Variants in TMEM62 observed in about 807,000 individuals in gnomAD.
TMEM62 encodes transmembrane protein 62.
In TMEM62, 41 loss-of-function variants were observed where a neutral mutation model predicts 70.4. The observed-to-expected ratio is 0.58, with a 90% CI of 0.45 to 0.76. The LOEUF is 0.76. Among genes scored for constraint, TMEM62 ranks in the 30% least tolerant of loss-of-function variants. The probability of loss-of-function intolerance (pLI) is 0.00; values close to 1 mark genes in which losing one functional copy is unlikely to be tolerated. For synonymous variants in TMEM62, 268 were observed against 291.0 expected, an observed-to-expected ratio of 0.92 and a Z score of 0.80; for missense variants, 688 against 788.5, an observed-to-expected ratio of 0.87 and a Z score of 1.53.
chr15:43,145,103 C>CAA lies in TMEM62; in HGVS notation c.477-1375_477-1374dup, dbSNP rs200747419. The stretch of plus-strand genomic sequence containing the variant: ...TGGGCGACAGAGTGAGACTCCGTCT[C>CAA]AAAAAAAAAAAAAAAAGATTCTGAG... On this transcript the variant is annotated intron_variant, in intron 4 of 13. Coordinates refer to ENST00000260403, the MANE Select transcript of TMEM62 (RefSeq NM_024956.4). Among the ~76,000 whole-genome samples the CAA allele has an allele frequency of 7.0e-3, 764 of 108,832 alleles. 19 individuals carry two copies. The highest frequency in any genetic ancestry group is 0.022 in the African/African-American group (600 of 27,806). The allele number at this position is 108,832 out of a possible 152,430, so 71.4% of individuals were successfully genotyped here. A position where few individuals can be genotyped will look rare whatever the true frequency, so the allele number is the denominator to read the frequency against.
intron 9 of TMEM62, 34 bp from the exon 10 acceptor site, chr15:43,160,647 A>C (rs373658290): frequency 1.7e-6 from 2 of 1,190,018 alleles, no homozygotes; most frequent in African/African-American, 1.5e-5. Flanking sequence ...TTCCATGTAC[A>C]TGAAAGTTAC....
At chr15:43,169,844 A>C in intron 11 of TMEM62, 167 bp downstream of exon 11, 1 of 569,722 alleles carries the variant, frequency 1.8e-6, no homozygotes, top group Non-Finnish European at 3.1e-6. Context: ...GTTGGATTAC[A>C]GTTGGGATTT....
intron 2 of TMEM62, 52 bp from the exon 3 acceptor site, chr15:43,135,460 A>C: frequency 6.5e-7 from 1 of 1,535,060 alleles, no homozygotes. Context: ...AAAAAATGGA[A>C]CCCCCAGTAG....
At chr15:43,162,986 A>G (rs2038939439) in intron 10 of TMEM62, among the ~76,000 whole-genome samples, 1 of 151,448 alleles carries the variant, frequency 6.6e-6, no homozygotes, top group Non-Finnish European at 1.5e-5. Flanking sequence ...ATCCTCGCTC[A>G]TTAAAATATA....
At chr15:43,170,799 T>C (rs1421509249) in intron 11 of TMEM62, among the ~76,000 whole-genome samples, 1 of 152,148 alleles carries the variant, frequency 6.6e-6, no homozygotes, top group Non-Finnish European at 1.5e-5. Context: ...AGGTTATATG[T>C]ACACACTATA....
chr15:43,141,505 C>T (rs2036004003), intron 4 of TMEM62, among the ~76,000 whole-genome samples: 1 of 152,282 alleles, frequency 6.6e-6, no homozygotes, highest in South Asian at 2.1e-4. Context: ...TGACAATGCA[C>T]CTGGTCACGC....
chr15:43,172,356 G>C (rs1314960576), intron 11 of TMEM62, among the ~76,000 whole-genome samples: 1 of 152,160 alleles, frequency 6.6e-6, no homozygotes, highest in Non-Finnish European at 1.5e-5. Flanking sequence ...ATATTAGATA[G>C]AGTTAGTCAT....
At chr15:43,173,465 A>G (rs1479972228) in intron 11 of TMEM62, among the ~76,000 whole-genome samples, 1 of 152,222 alleles carries the variant, frequency 6.6e-6, no homozygotes, top group Non-Finnish European at 1.5e-5. Flanking sequence ...TCTGCAAGAC[A>G]CTAAAAATCT....
At chr15:43,171,860 A>G (rs2040237046) in intron 11 of TMEM62, among the ~76,000 whole-genome samples, 1 of 151,638 alleles carries the variant, frequency 6.6e-6, no homozygotes, top group Non-Finnish European at 1.5e-5. Flanking sequence ...ATCTCCTAAC[A>G]TCATGATCCA....
intron 3 of TMEM62, 122 bp from the exon 4 acceptor site, chr15:43,138,452 C>A: frequency 1.3e-6 from 1 of 777,504 alleles, no homozygotes; most frequent in Non-Finnish European, 2.1e-6. Flanking sequence ...CGGCTCTACC[C>A]TGGGGGTGTG....
rs559365677 is a variant in TMEM62, at chr15:43,181,991, A to G, written c.1605+692A>G. On this transcript the variant is annotated intron_variant, in intron 13 of 13. Coordinates refer to ENST00000260403, the MANE Select transcript of TMEM62 (RefSeq NM_024956.4). ...AAAATATTTTAGAGGGAGGAAACTA[A>G]AAAATAGACACATTAAAAAAATGGG... 1.7e-3 allele frequency among the ~76,000 whole-genome samples: 260 copies of G among 152,350 alleles called. 1 individual carries two copies. The highest frequency in any genetic ancestry group is 2.9e-3 in the Admixed American group (45 of 15,304).
intron 4 of TMEM62, among the ~76,000 whole-genome samples, chr15:43,142,476 G>A (rs1452842363): frequency 6.6e-6 from 1 of 151,366 alleles, no homozygotes; most frequent in South Asian, 2.1e-4. Context: ...AAATTCTTGT[G>A]AAAGGAAAAG....
intron 4 of TMEM62, among the ~76,000 whole-genome samples, chr15:43,145,128 G>A (rs1347059268): frequency 1.4e-5 from 2 of 144,382 alleles, no homozygotes; most frequent in Non-Finnish European, 3.0e-5. Flanking sequence ...AAGATTCTGA[G>A]GAATAACTGA....
intron 11 of TMEM62, among the ~76,000 whole-genome samples, chr15:43,173,410 GC>G (rs1336504473): frequency 2.0e-5 from 3 of 152,054 alleles, no homozygotes; most frequent in Non-Finnish European, 4.4e-5. Flanking sequence ...GTATGCAAAA[GC>G]CTTAAGTGGC....
Position 43,184,906 on chromosome 15 carries a change from G to C in TMEM62, c.*320G>C. Reference sequence around the variant, plus strand: ...GGGTGTGTGTACGGGAGTGTCTGAGGCCCAGTGTGTTTTTTAGGGTTACCC... The same window carrying C: ...GGGTGTGTGTACGGGAGTGTCTGAGCCCCAGTGTGTTTTTTAGGGTTACCC... On this transcript the variant is annotated 3_prime_UTR_variant, in exon 14 of 14. Coordinates refer to ENST00000260403, the MANE Select transcript of TMEM62 (RefSeq NM_024956.4). The C allele has an allele frequency of 5.6e-6, 2 of 357,226 alleles. No individual in the cohort carries two copies. Among genetic ancestry groups the C allele is most frequent in the Non-Finnish European group, 1.0e-5 (2 of 195,270 alleles). 22.1% of individuals were successfully genotyped at this position (357,226 alleles called of 1,614,324 possible).
At chr15:43,170,714 G>A (rs1479880128) in intron 11 of TMEM62, among the ~76,000 whole-genome samples, 3 of 152,204 alleles carry the variant, frequency 2.0e-5, no homozygotes, top group East Asian at 1.9e-4. Context: ...TGGGAAGCCT[G>A]TTTAGATAAC....
At chr15:43,136,071 T>C (rs370590240) in intron 3 of TMEM62, among the ~76,000 whole-genome samples, 3 of 152,154 alleles carry the variant, frequency 2.0e-5, no homozygotes, top group African/African-American at 4.8e-5. Flanking sequence ...GGAAAAAATA[T>C]GAGTTTTAGC....
At position 43,164,970 on chromosome 15, in the gene TMEM62, T is replaced by A. The variant is rs191432778; in HGVS notation, c.1296+4176T>A. The stretch of plus-strand genomic sequence containing the variant: ...TTGCATGTTATTTGTTTCTTCTCTC[T>A]TGTTGCTTTTAAGATCCTTTCCTTA... On this transcript the variant is annotated intron_variant, in intron 10 of 13. Coordinates refer to ENST00000260403, the MANE Select transcript of TMEM62 (RefSeq NM_024956.4). 6.6e-5 allele frequency among the ~76,000 whole-genome samples: 10 copies of A among 152,330 alleles called. No homozygotes were observed. The East Asian group carries it at 1.9e-3, about 29-fold the overall frequency.
intron 11 of TMEM62, among the ~76,000 whole-genome samples, chr15:43,175,517 G>C (rs921108486): frequency 2.0e-5 from 3 of 152,222 alleles, no homozygotes; most frequent in Admixed American, 2.0e-4. Context: ...GGTTGGGGCT[G>C]AGGATCTGTG....
Sources: allele counts gnomAD v4.1 joint callset (sites outside exome capture counted in the v4.1 genomes callset), GRCh38; gene constraint gnomAD v4.1.1; transcripts MANE v1.5; gene names NCBI Gene and HGNC (gene_info 2026-07-23, HGNC 2026-07-21).